GNAI3: variants seen among roughly 807,000 people sequenced by gnomAD.
The protein encoded by GNAI3 is G protein subunit alpha i3, also known as guanine nucleotide-binding protein G(i) subunit alpha-3.
In GNAI3, 12 loss-of-function variants were observed where a neutral mutation model predicts 41.8. The observed-to-expected ratio is 0.29, with a 90% CI of 0.18 to 0.47. GNAI3 has a LOEUF of 0.47. Among genes scored for constraint, GNAI3 ranks in the 20% least tolerant of loss-of-function variants. The pLI is 1.00. For missense variants in GNAI3, 360 were observed against 429.6 expected, an observed-to-expected ratio of 0.84 and a Z score of 1.43; for synonymous variants, 132 against 146.5, an observed-to-expected ratio of 0.90 and a Z score of 0.71.
At position 109,592,115 on chromosome 1, in the gene GNAI3, C is replaced by T. The variant is rs775310579; in HGVS notation, c.947C>T (p.Thr316Ile). 3 of 1,611,370 alleles carry T rather than the reference C, an allele frequency of 1.9e-6. No homozygotes were observed. The highest frequency in any genetic ancestry group is 2.5e-6 in the Non-Finnish European group (3 of 1,177,666). ...QFEDLNRRKDTKEIYTHFTCA... is the reference protein window; with the variant it reads ...QFEDLNRRKDIKEIYTHFTCA... The stretch of plus-strand genomic sequence containing the variant: ...GAAGATCTGAACAGAAGAAAAGATA[C>T]CAAGGAGATCTATACTCACTTCACC... Residue 316 changes from threonine (T) to isoleucine (I), a missense_variant, in exon 8 of 9, where the codon ACC (threonine) becomes ATC (isoleucine). Coordinates refer to ENST00000369851, the MANE Select transcript of GNAI3 (RefSeq NM_006496.4).
chr1:109,569,181 C>T (rs918494982), intron 1 of GNAI3, among the ~76,000 whole-genome samples: 6 of 152,148 alleles, frequency 3.9e-5, no homozygotes, highest in African/African-American at 9.7e-5. Flanking sequence ...CTGTGTTGAA[C>T]GGATCCTATT....
intron 1 of GNAI3, among the ~76,000 whole-genome samples, chr1:109,564,008 G>A (rs746036302): frequency 6.7e-6 from 1 of 149,656 alleles, no homozygotes; most frequent in Non-Finnish European, 1.5e-5. Flanking sequence ...TAATTCTCAT[G>A]TCCTTAAAGC....
At chr1:109,555,663 A>G (rs1044059166) in intron 1 of GNAI3, among the ~76,000 whole-genome samples, 2 of 152,324 alleles carry the variant, frequency 1.3e-5, no homozygotes, top group South Asian at 4.1e-4. Context: ...GTTTCTTTAA[A>G]AAATAATTTT....
intron 7 of GNAI3, among the ~76,000 whole-genome samples, chr1:109,588,331 G>A (rs1056463320): frequency 2.7e-5 from 4 of 150,442 alleles, no homozygotes; most frequent in Non-Finnish European, 5.9e-5. Flanking sequence ...GCAGTGAGCC[G>A]AGATCGCGCC....
At position 109,596,002 on chromosome 1, in the gene GNAI3, T is replaced by TCGTA. The variant is rs987236180; in HGVS notation, c.*3681_*3684dup. 6.6e-6 allele frequency: 1 copy of TCGTA among 152,234 alleles called. No homozygotes were observed. The highest frequency in any genetic ancestry group is 1.5e-5 in the Non-Finnish European group (1 of 68,050). 9.4% of individuals were successfully genotyped at this position (152,234 alleles called of 1,614,324 possible). A position where few individuals can be genotyped will look rare whatever the true frequency, so the allele number is the denominator to read the frequency against. On this transcript the variant is annotated 3_prime_UTR_variant, in exon 9 of 9. Coordinates refer to ENST00000369851, the MANE Select transcript of GNAI3 (RefSeq NM_006496.4). Reference sequence around the variant, plus strand: ...TAATTATTGTGTTCTACTTTAGGCTTCGTAGTGCAAATCAGGGATCTGACC... The same window carrying TCGTA: ...TAATTATTGTGTTCTACTTTAGGCTTCGTACGTAGTGCAAATCAGGGATCTGACC...
intron 1 of GNAI3, among the ~76,000 whole-genome samples, chr1:109,567,020 T>C (rs1251040347): frequency 6.6e-6 from 1 of 152,232 alleles, no homozygotes; most frequent in Non-Finnish European, 1.5e-5. Context: ...TCTTTTTTCT[T>C]TCCTGTTGTA....
intron 1 of GNAI3, among the ~76,000 whole-genome samples, chr1:109,555,193 A>G (rs185171401): frequency 2.6e-5 from 4 of 152,344 alleles, no homozygotes; most frequent in Admixed American, 1.3e-4. Context: ...CCTAAAATTC[A>G]TGTGGACCCA....
At position 109,593,947 on chromosome 1, in the gene GNAI3, A is replaced by G. The variant is rs546468184; in HGVS notation, c.*1625A>G. The stretch of plus-strand genomic sequence containing the variant: ...TCATCTTTTGATGTGACTTTTCACT[A>G]GTTTACAAAAAAAAGGTTGGTGGTC... On this transcript the variant is annotated 3_prime_UTR_variant, in exon 9 of 9. Coordinates refer to ENST00000369851, the MANE Select transcript of GNAI3 (RefSeq NM_006496.4). 2.6e-5 allele frequency: 4 copies of G among 152,776 alleles called. No individual in the cohort carries two copies. The South Asian group carries it at 8.3e-4, about 32-fold the overall frequency. The allele number at this position is 152,776 out of a possible 1,614,324, so 9.5% of individuals were successfully genotyped here.
chr1:109,556,000 T>G (rs12059339), intron 1 of GNAI3, among the ~76,000 whole-genome samples: 27 of 83,004 alleles, frequency 3.3e-4, no homozygotes, highest in Admixed American at 6.2e-4. Context: ...GTGTGTGTGT[T>G]TGTGTGTGTT....
intron 1 of GNAI3, among the ~76,000 whole-genome samples, chr1:109,562,667 G>A (rs1294312485): frequency 6.6e-6 from 1 of 152,164 alleles, no homozygotes; most frequent in Non-Finnish European, 1.5e-5. Flanking sequence ...TGGCAACTCA[G>A]TTTGTAGTGT....
intron 3 of GNAI3, among the ~76,000 whole-genome samples, chr1:109,578,312 A>G (rs965897318): frequency 6.6e-6 from 1 of 152,094 alleles, no homozygotes; most frequent in African/African-American, 2.4e-5. Flanking sequence ...TCTACTAAAA[A>G]TAGAAAAATT....
At chr1:109,583,303 G>A (rs2101107736) in intron 5 of GNAI3, among the ~76,000 whole-genome samples, 1 of 152,254 alleles carries the variant, frequency 6.6e-6, no homozygotes, top group Non-Finnish European at 1.5e-5. Flanking sequence ...TTGACCTCCT[G>A]GGCTCAAGTG....
At chr1:109,580,426 CT>C in intron 4 of GNAI3, among the ~76,000 whole-genome samples, 1 of 152,242 alleles carries the variant, frequency 6.6e-6, no homozygotes, top group East Asian at 1.9e-4. Flanking sequence ...TGTTTTCCTA[CT>C]TTTCACGTCA....
Position 109,598,310 on chromosome 1 carries a change from G to A in GNAI3, c.*5988G>A, listed in dbSNP as rs962299243. The A allele has an allele frequency of 6.6e-6, 1 of 152,324 alleles. No homozygotes were observed. Among genetic ancestry groups the A allele is most frequent in the Non-Finnish European group, 1.5e-5 (1 of 68,128 alleles). The allele number at this position is 152,324 out of a possible 1,614,324, so 9.4% of individuals were successfully genotyped here. On this transcript the variant is annotated 3_prime_UTR_variant, in exon 9 of 9. Transcript: ENST00000369851. The stretch of plus-strand genomic sequence containing the variant: ...CCTCTCAGAATCTTACGAGGTTGGA[G>A]AGTTGTTTGGAATGCTGGGTTCTGG...
At chr1:109,554,440 T>C (rs1648090274) in intron 1 of GNAI3, among the ~76,000 whole-genome samples, 1 of 152,146 alleles carries the variant, frequency 6.6e-6, no homozygotes, top group African/African-American at 2.4e-5. Context: ...TGGTATCACA[T>C]TGTAGTTTTG....
At chr1:109,568,751 G>A (rs1360148870) in intron 1 of GNAI3, among the ~76,000 whole-genome samples, 2 of 152,158 alleles carry the variant, frequency 1.3e-5, no homozygotes, top group Non-Finnish European at 2.9e-5. Flanking sequence ...TAGCACAGTT[G>A]TAACTCACTG....
intron 3 of GNAI3, among the ~76,000 whole-genome samples, chr1:109,578,168 C>T (rs1320523784): frequency 6.6e-6 from 1 of 152,062 alleles, no homozygotes; most frequent in African/African-American, 2.4e-5. Flanking sequence ...AAACTATAAC[C>T]ACCTAGAAAA....
chr1:109,578,439 C>T (rs951828843), intron 3 of GNAI3, among the ~76,000 whole-genome samples: 1 of 145,548 alleles, frequency 6.9e-6, no homozygotes, highest in Admixed American at 7.0e-5. Flanking sequence ...CATTGCACTC[C>T]AGCCTGAGTG....
At chr1:109,560,747 C>T (rs1030663015) in intron 1 of GNAI3, among the ~76,000 whole-genome samples, 9 of 152,280 alleles carry the variant, frequency 5.9e-5, no homozygotes, top group African/African-American at 2.2e-4. Context: ...TGAGGTCTCT[C>T]TACAGTGCCC....
Sources: gnomAD v4.1 joint callset for allele counts (sites outside exome capture counted in the v4.1 genomes callset) on GRCh38, gnomAD v4.1.1 for gene constraint, MANE v1.5 for transcripts, NCBI Gene and HGNC (gene_info 2026-07-23, HGNC 2026-07-21) for gene names.